PCDH9: variants seen among roughly 807,000 people sequenced by gnomAD.
PCDH9 encodes protocadherin 9, also known as protocadherin-9.
A neutral mutation model predicts 70.6 loss-of-function variants in PCDH9; 24 were observed. The observed-to-expected ratio is 0.34, with a 90% CI of 0.25 to 0.48. The LOEUF is 0.48. Ranked by LOEUF, PCDH9 falls within the 20% of genes least tolerant of loss-of-function variation. The pLI, the probability that PCDH9 is intolerant of heterozygous loss-of-function variation, is 0.99. For synonymous variants in PCDH9, 562 were observed against 558.5 expected (o/e 1.01, Z -0.09); for missense variants, 1,281 against 1,503.6 (o/e 0.85, Z 2.45).
intron 4 of PCDH9, among the ~76,000 whole-genome samples, chr13:66,549,064 T>C (rs1446775845): frequency 1.3e-5 from 2 of 152,174 alleles, no homozygotes; most frequent in Non-Finnish European, 2.9e-5. Context: ...ATTTGTCTTA[T>C]TCTATTTCCA....
intron 2 of PCDH9, chr13:67,220,112 G>T (rs2138113130): frequency 6.6e-6 from 1 of 151,500 alleles, no homozygotes; most frequent in Admixed American, 6.6e-5. Context: ...GTAACGTTCA[G>T]CATTTGGTGG....
At chr13:66,510,042 C>A (rs1479373606) in intron 4 of PCDH9, among the ~76,000 whole-genome samples, 2 of 152,090 alleles carry the variant, frequency 1.3e-5, no homozygotes, top group Admixed American at 6.6e-5. Context: ...TTCAGGACCC[C>A]AGTGATTTTT....
intron 4 of PCDH9, among the ~76,000 whole-genome samples, chr13:66,366,292 T>C (rs1329310300): frequency 2.6e-5 from 4 of 152,060 alleles, no homozygotes; most frequent in Non-Finnish European, 5.9e-5. Flanking sequence ...TTTTCCTAAT[T>C]ATAATCATTC....
intron 3 of PCDH9, among the ~76,000 whole-genome samples, chr13:66,868,574 A>G (rs986983123): frequency 6.6e-6 from 1 of 152,162 alleles, no homozygotes; most frequent in Non-Finnish European, 1.5e-5. Flanking sequence ...GAAGGTGTTC[A>G]TACTATTTAT....
chr13:66,349,016 T>C (rs1017876140), intron 4 of PCDH9, among the ~76,000 whole-genome samples: 3 of 152,172 alleles, frequency 2.0e-5, no homozygotes, highest in African/African-American at 7.2e-5. Flanking sequence ...CAGACATATC[T>C]GCACATTAGA....
intron 2 of PCDH9, among the ~76,000 whole-genome samples, chr13:67,169,099 T>C (rs911265473): frequency 1.6e-4 from 24 of 152,200 alleles, no homozygotes; most frequent in African/African-American, 5.8e-4. Context: ...ATTGTGACAC[T>C]GGAAGTCCTC....
chr13:66,854,336 A>G lies in PCDH9; in HGVS notation c.3138+49168T>C, dbSNP rs1043086204. On this transcript the variant is annotated intron_variant, in intron 3 of 4. Coordinates refer to ENST00000377865, the MANE Select transcript of PCDH9 (RefSeq NM_203487.3). ...CATTTCTTCAATAAATGCTTTCGTT[A>G]TTATTTTTTATTATAAAATCATCTT... 1.1e-4 allele frequency among the ~76,000 whole-genome samples: 17 copies of G among 152,134 alleles called. No homozygotes were observed. In the East Asian group the frequency reaches 1.2e-3, roughly 10 times the overall value.
intron 2 of PCDH9, among the ~76,000 whole-genome samples, chr13:67,121,369 C>T (rs2086875169): frequency 6.6e-6 from 1 of 152,138 alleles, no homozygotes; most frequent in Non-Finnish European, 1.5e-5. Context: ...ACCTGCAGGC[C>T]TTGTGAGTTA....
At chr13:66,809,008 C>CGG (rs1410781894) in intron 3 of PCDH9, among the ~76,000 whole-genome samples, 2 of 152,114 alleles carry the variant, frequency 1.3e-5, no homozygotes, top group African/African-American at 2.4e-5. Flanking sequence ...AGTGCGGTGG[C>CGG]GCTATCTCGG....
chr13:66,411,990 A>C (rs1282040779), intron 4 of PCDH9, among the ~76,000 whole-genome samples: 1 of 152,148 alleles, frequency 6.6e-6, no homozygotes, highest in Non-Finnish European at 1.5e-5. Context: ...ACCACAAACA[A>C]ATTCTAATGA....
intron 2 of PCDH9, among the ~76,000 whole-genome samples, chr13:67,147,449 A>G (rs920065074): frequency 2.0e-5 from 3 of 152,152 alleles, no homozygotes; most frequent in Non-Finnish European, 4.4e-5. Context: ...TTTGGTTACA[A>G]TCTAAACAGT....
Position 67,156,766 on chromosome 13 carries a change from T to G in PCDH9, c.3036+68639A>C, listed in dbSNP as rs116881465. ...TAGATGGCACACTAAGAGAGCATCC[T>G]GTAACACACGCCCACTGGGGCTTCA... On this transcript the variant is annotated intron_variant, in intron 2 of 4. Transcript: ENST00000377865. 4.7e-4 allele frequency among the ~76,000 whole-genome samples: 72 copies of G among 152,328 alleles called. No homozygotes were observed. The East Asian group carries it at 5.2e-3, about 11-fold the overall frequency.
At chr13:66,616,484 C>CTTTTTTTTT (rs60587237) in intron 4 of PCDH9, among the ~76,000 whole-genome samples, 1 of 116,666 alleles carries the variant, frequency 8.6e-6, no homozygotes, top group Non-Finnish European at 1.7e-5. Flanking sequence ...TTCTAAAATT[C>CTTTTTTTTT]TTTTTTTTTT....
intron 3 of PCDH9, among the ~76,000 whole-genome samples, chr13:66,707,104 T>C (rs1036923317): frequency 2.0e-5 from 3 of 152,202 alleles, no homozygotes; most frequent in Non-Finnish European, 4.4e-5. Context: ...TAGCACCTCT[T>C]ACCCCCACAA....
chr13:66,779,847 C>CTATATATA (rs1282944249), intron 3 of PCDH9, among the ~76,000 whole-genome samples: 1,263 of 59,458 alleles, frequency 0.021, 3 homozygotes, highest in Middle Eastern at 0.04. Flanking sequence ...CTCTCTCTCT[C>CTATATATA]TCTATATATA....
chr13:66,863,525 C>T (rs192246734), intron 3 of PCDH9, among the ~76,000 whole-genome samples: 2 of 152,214 alleles, frequency 1.3e-5, no homozygotes, highest in South Asian at 2.1e-4. Flanking sequence ...CTCACTCTGT[C>T]GCCCACCTGG....
chr13:66,431,005 T>C (rs576813186), intron 4 of PCDH9, among the ~76,000 whole-genome samples: 4 of 152,062 alleles, frequency 2.6e-5, no homozygotes, highest in African/African-American at 7.2e-5. Context: ...GTGCATTAAA[T>C]CTCTTTGAGC....
intron 3 of PCDH9, among the ~76,000 whole-genome samples, chr13:66,699,400 T>C (rs1353189995): frequency 1.3e-5 from 2 of 152,148 alleles, no homozygotes; most frequent in East Asian, 1.9e-4. Context: ...TGCAATCTTA[T>C]GTAGAAAAAA....
intron 4 of PCDH9, among the ~76,000 whole-genome samples, chr13:66,431,731 TTAAG>T (rs1384450836): frequency 6.6e-6 from 1 of 151,976 alleles, no homozygotes; most frequent in Non-Finnish European, 1.5e-5. Flanking sequence ...CACAGACAAA[TTAAG>T]TGATTCATTC....
Sources: gnomAD v4.1 joint callset for allele counts (sites outside exome capture counted in the v4.1 genomes callset) on GRCh38, gnomAD v4.1.1 for gene constraint, MANE v1.5 for transcripts, NCBI Gene and HGNC (gene_info 2026-07-23, HGNC 2026-07-21) for gene names.